The following PRKN variants were observed in gnomAD, a reference collection of about 807,000 sequenced individuals.
The protein encoded by PRKN is parkin RBR E3 ubiquitin protein ligase, also known as E3 ubiquitin-protein ligase parkin.
PRKN carries 56 observed loss-of-function variants against 59.5 expected under a neutral mutation model. That is an observed-to-expected ratio of 0.94 (90% CI 0.76 to 1.18). The LOEUF is 1.18. Among genes scored for constraint, PRKN ranks in the 50% most tolerant of loss-of-function variants. PRKN has a pLI of 0.00. For synonymous variants in PRKN, 250 were observed against 222.1 expected (o/e 1.13, Z -1.12); for missense variants, 657 against 596.4 (o/e 1.10, Z -1.06).
At chr6:162,498,785 A>G (rs1380091197) in intron 1 of PRKN, among the ~76,000 whole-genome samples, 1 of 151,624 alleles carries the variant, frequency 6.6e-6, no homozygotes, top group Non-Finnish European at 1.5e-5. Context: ...GTATATGAGA[A>G]AGAAATTGTA....
intron 7 of PRKN, among the ~76,000 whole-genome samples, chr6:161,653,062 T>G (rs1455004810): frequency 6.6e-6 from 1 of 152,176 alleles, no homozygotes; most frequent in Non-Finnish European, 1.5e-5. Context: ...TAGAAGTATG[T>G]GCTACATAAG....
intron 6 of PRKN, among the ~76,000 whole-genome samples, chr6:161,963,656 T>C (rs1780469944): frequency 6.6e-6 from 1 of 152,268 alleles, no homozygotes; most frequent in Admixed American, 6.5e-5. Context: ...TTCATTGTTT[T>C]ATCTGAGTTA....
At chr6:162,217,160 C>A (rs1171029093) in intron 3 of PRKN, among the ~76,000 whole-genome samples, 2 of 152,250 alleles carry the variant, frequency 1.3e-5, no homozygotes, top group East Asian at 3.9e-4. Context: ...GTAAAAAGCA[C>A]CTCTTGACAC....
At chr6:162,609,648 G>A (rs1444536316) in intron 1 of PRKN, among the ~76,000 whole-genome samples, 3 of 151,932 alleles carry the variant, frequency 2.0e-5, no homozygotes, top group Non-Finnish European at 4.4e-5. Flanking sequence ...ACAAACTTTG[G>A]ATATTTAAAT....
chr6:162,173,762 G>A (rs1025056755), intron 4 of PRKN, among the ~76,000 whole-genome samples: 1 of 152,140 alleles, frequency 6.6e-6, no homozygotes, highest in Non-Finnish European at 1.5e-5. Flanking sequence ...CTGCCTAGCT[G>A]TGTCTTTGGA....
chr6:161,451,301 C>T lies in PRKN; in HGVS notation c.1084-64424G>A, dbSNP rs116223962. On this transcript the variant is annotated intron_variant, in intron 9 of 11. Coordinates refer to ENST00000366898, the MANE Select transcript of PRKN (RefSeq NM_004562.3). The surrounding 1 kb of genome is among the most constrained non-coding windows in gnomAD (Gnocchi z 5.9). The stretch of plus-strand genomic sequence containing the variant: ...CCTCCAGTTTCTTCAATGACTTCCA[C>T]GAGAAGACCTCTCTGGAGAGGTCTG... Among the ~76,000 whole-genome samples, 1,011 of 152,256 alleles carry T rather than the reference C, an allele frequency of 6.6e-3. 10 individuals are homozygous for T. Among genetic ancestry groups the T allele is most frequent in the African/African-American group, 0.023 (969 of 41,544 alleles).
intron 1 of PRKN, among the ~76,000 whole-genome samples, chr6:162,661,686 G>A (rs1325384056): frequency 1.3e-5 from 2 of 152,148 alleles, no homozygotes; most frequent in Non-Finnish European, 2.9e-5. Context: ...ATATGACAGG[G>A]TTATGGCTGA....
intron 3 of PRKN, among the ~76,000 whole-genome samples, chr6:162,226,886 G>A (rs1181442853): frequency 6.6e-6 from 1 of 152,192 alleles, no homozygotes; most frequent in Non-Finnish European, 1.5e-5. Flanking sequence ...TTCAAAATCA[G>A]TCATGGCTCC....
intron 7 of PRKN, among the ~76,000 whole-genome samples, chr6:161,726,238 G>A (rs540164064): frequency 3.4e-4 from 51 of 152,208 alleles, no homozygotes; most frequent in Admixed American, 9.2e-4. Context: ...TCAAAGATGT[G>A]TCATATCATT....
At chr6:161,956,933 A>G (rs1461263193) in intron 6 of PRKN, among the ~76,000 whole-genome samples, 1 of 152,184 alleles carries the variant, frequency 6.6e-6, no homozygotes, top group East Asian at 1.9e-4. Flanking sequence ...TAGTGTTGTC[A>G]CCGGCATTCC....
At chr6:161,493,462 T>C (rs1777630957) in intron 9 of PRKN, among the ~76,000 whole-genome samples, 1 of 152,138 alleles carries the variant, frequency 6.6e-6, no homozygotes, top group African/African-American at 2.4e-5. Flanking sequence ...AGAGCTTGTG[T>C]TCTTTACCAT....
In PRKN at chr6:161,351,213, A is replaced by G. The variant is rs1024114246; in HGVS notation, c.1286-1002T>C. Among the ~76,000 whole-genome samples the G allele has an allele frequency of 4.2e-5, 6 of 143,744 alleles. No individual in the cohort carries two copies. The South Asian group carries it at 1.3e-3, about 30-fold the overall frequency. The allele number at this position is 143,744 out of a possible 152,430, so 94.3% of individuals were successfully genotyped here. Reference sequence around the variant, plus strand: ...TTGATGATATAACCTAATATAATGTATAATAATTTAAATATATTTTGATTT... The same window carrying G: ...TTGATGATATAACCTAATATAATGTGTAATAATTTAAATATATTTTGATTT... On this transcript the variant is annotated intron_variant, in intron 11 of 11. Transcript: ENST00000366898.
chr6:161,364,206 C>A lies in PRKN; in HGVS notation c.1168-4001G>T, dbSNP rs369005754. ...AAAAAAAGAAAAGAAAACAAACAAA[C>A]AAACATGGATGTGGGAGGCCAAGGC... is the stretch of plus-strand genomic sequence containing the variant. On this transcript the variant is annotated intron_variant, in intron 10 of 11. Transcript: ENST00000366898. 6.0e-5 allele frequency among the ~76,000 whole-genome samples: 8 copies of A among 132,758 alleles called. No individual in the cohort carries two copies. In the East Asian group the frequency reaches 9.8e-4, roughly 16 times the overall value. 87.1% of individuals were successfully genotyped at this position (132,758 alleles called of 152,430 possible). A position where few individuals can be genotyped will look rare whatever the true frequency, so the allele number is the denominator to read the frequency against.
At chr6:161,520,588 C>T (rs1364237467) in intron 9 of PRKN, among the ~76,000 whole-genome samples, 4 of 152,050 alleles carry the variant, frequency 2.6e-5, no homozygotes, top group Admixed American at 6.5e-5. Flanking sequence ...TGACCATATC[C>T]AAAGGTTAGT....
intron 1 of PRKN, among the ~76,000 whole-genome samples, chr6:162,647,915 T>C (rs1489411904): frequency 1.6e-5 from 2 of 123,402 alleles, no homozygotes; most frequent in East Asian, 5.0e-4. Context: ...CTCCCAGTGC[T>C]AGGTCCTAGA....
chr6:161,636,606 A>C (rs1023272260), intron 7 of PRKN, among the ~76,000 whole-genome samples: 2 of 152,200 alleles, frequency 1.3e-5, no homozygotes, highest in Non-Finnish European at 2.9e-5. Context: ...CGGAATGCCC[A>C]TGGGAAGGAT....
At chr6:162,465,425 A>G (rs2128175788) in intron 1 of PRKN, among the ~76,000 whole-genome samples, 1 of 152,256 alleles carries the variant, frequency 6.6e-6, no homozygotes, top group East Asian at 1.9e-4. Context: ...AGAGAACACT[A>G]TTTTTCAAGC....
At chr6:162,692,611 C>T (rs1186742154) in intron 1 of PRKN, among the ~76,000 whole-genome samples, 4 of 150,930 alleles carry the variant, frequency 2.7e-5, no homozygotes, top group African/African-American at 4.9e-5. Flanking sequence ...GCTCAGTGAC[C>T]CTCCGGGTTG....
intron 4 of PRKN, among the ~76,000 whole-genome samples, chr6:162,174,039 G>T (rs1287103239): frequency 6.6e-6 from 1 of 152,134 alleles, no homozygotes; most frequent in Non-Finnish European, 1.5e-5. Flanking sequence ...TTGTAATTTA[G>T]AGTAAATGTT....
Sources: allele counts gnomAD v4.1 joint callset (sites outside exome capture counted in the v4.1 genomes callset), GRCh38; gene constraint gnomAD v4.1.1; non-coding constraint Gnocchi (gnomAD v3.1); transcripts MANE v1.5; gene names NCBI Gene and HGNC (gene_info 2026-07-23, HGNC 2026-07-21).